Variants in ADAMTSL3 observed in about 807,000 individuals in gnomAD.
ADAMTSL3 encodes ADAMTS like 3.
A neutral mutation model predicts 201.7 loss-of-function variants in ADAMTSL3; 128 were observed. That is an observed-to-expected ratio of 0.63 (90% CI 0.55 to 0.73). The LOEUF (loss-of-function observed/expected upper bound fraction) is 0.73, where lower values mean the gene tolerates loss of function less well. Ranked by LOEUF, ADAMTSL3 falls within the 30% of genes least tolerant of loss-of-function variation. ADAMTSL3 has a pLI of 0.00. For synonymous variants in ADAMTSL3, 738 were observed against 748.4 expected (o/e 0.99, Z 0.23); for missense variants, 1,990 against 2,119.6 (o/e 0.94, Z 1.20).
At chr15:83,940,492 CTT>C (rs964649703) in intron 17 of ADAMTSL3, among the ~76,000 whole-genome samples, 92 of 152,268 alleles carry the variant, frequency 6.0e-4, no homozygotes, top group African/African-American at 2.1e-3. Flanking sequence ...CCTGGTGTCT[CTT>C]TTTACAAAGG....
chr15:83,799,527 T>G (rs961154040), intron 4 of ADAMTSL3, among the ~76,000 whole-genome samples: 1 of 152,160 alleles, frequency 6.6e-6, no homozygotes, highest in Admixed American at 6.5e-5. Context: ...ATATTTTTAT[T>G]CTTCAAAACA....
Position 83,913,174 on chromosome 15 carries a change from C to G in ADAMTSL3, c.1783C>G (p.Leu595Val), listed in dbSNP as rs1204520378. The change falls in exon 16 of 30, where the codon CTC (leucine) becomes GTC (valine). Residue 595 changes from leucine (L) to valine (V), a missense_variant. By Grantham distance (32) the Leu-to-Val change is conservative. Coordinates refer to ENST00000286744, the MANE Select transcript of ADAMTSL3 (RefSeq NM_207517.3). The part of the protein sequence containing the change: ...QVREVKCRVL[L>V]TFTQTETELP... Reference sequence around the variant, plus strand: ...CCGTGAGGTGAAGTGCCGTGTGCTCCTCACATTCACGCAGACTGAGACTGA... The same window carrying G: ...CCGTGAGGTGAAGTGCCGTGTGCTCGTCACATTCACGCAGACTGAGACTGA... 1 of 1,614,156 alleles carries G rather than the reference C, an allele frequency of 6.2e-7. No individual in the cohort carries two copies. Among genetic ancestry groups the G allele is most frequent in the East Asian group, 2.2e-5 (1 of 44,878 alleles).
chr15:83,919,689 G>A (rs759158264), intron 16 of ADAMTSL3, among the ~76,000 whole-genome samples: 1 of 152,182 alleles, frequency 6.6e-6, no homozygotes, highest in Non-Finnish European at 1.5e-5. Context: ...GGGTGTGGGT[G>A]AAGGGTGGTG....
Position 84,031,440 on chromosome 15 carries a change from C to G in ADAMTSL3, c.4754+8C>G. The stretch of plus-strand genomic sequence containing the variant: ...CTGTGATGACAGAAAGAGGTAGGGG[C>G]CCCACCCCAGAGCAGCACACATTCT... On this transcript the variant is annotated splice_region_variant and intron_variant, in intron 28 of 29. Coordinates refer to ENST00000286744, the MANE Select transcript of ADAMTSL3 (RefSeq NM_207517.3). 6.2e-7 allele frequency: 1 copy of G among 1,613,650 alleles called. No individual in the cohort carries two copies. Among genetic ancestry groups the G allele is most frequent in the Non-Finnish European group, 8.5e-7 (1 of 1,179,702 alleles).
At chr15:83,954,821 C>T (rs1293990709) in intron 19 of ADAMTSL3, among the ~76,000 whole-genome samples, 1 of 152,206 alleles carries the variant, frequency 6.6e-6, no homozygotes, top group Non-Finnish European at 1.5e-5. Flanking sequence ...TTCTCCCAAA[C>T]AAACAGCATC....
chr15:84,019,559 AATG>A (rs2068157318), intron 25 of ADAMTSL3, among the ~76,000 whole-genome samples: 1 of 152,200 alleles, frequency 6.6e-6, no homozygotes, highest in Admixed American at 6.5e-5. Flanking sequence ...TGATATGCAC[AATG>A]ATATGAGTGA....
intron 23 of ADAMTSL3, among the ~76,000 whole-genome samples, chr15:83,997,665 T>C (rs1298928986): frequency 6.6e-6 from 1 of 152,212 alleles, no homozygotes; most frequent in Admixed American, 6.5e-5. Flanking sequence ...TAAGCAAATA[T>C]AGCAACTATT....
chr15:83,808,090 A>G (rs1010267563), intron 5 of ADAMTSL3, among the ~76,000 whole-genome samples: 2 of 152,218 alleles, frequency 1.3e-5, no homozygotes, highest in African/African-American at 2.4e-5. Flanking sequence ...GATTTTTAAA[A>G]TATGACCTCA....
intron 17 of ADAMTSL3, among the ~76,000 whole-genome samples, chr15:83,933,684 C>G (rs1046767127): frequency 5.9e-5 from 9 of 152,196 alleles, no homozygotes; most frequent in Admixed American, 3.9e-4. Flanking sequence ...GCAGCCCCTC[C>G]CATCACAGGC....
chr15:83,949,717 A>C (rs374448036), intron 19 of ADAMTSL3, among the ~76,000 whole-genome samples: 1 of 152,228 alleles, frequency 6.6e-6, no homozygotes, highest in East Asian at 1.9e-4. Flanking sequence ...CTGGAGTGAG[A>C]TGGTATCTCA....
At chr15:83,810,603 A>C (rs1171475244) in intron 5 of ADAMTSL3, among the ~76,000 whole-genome samples, 1 of 152,244 alleles carries the variant, frequency 6.6e-6, no homozygotes, top group Non-Finnish European at 1.5e-5. Flanking sequence ...GCAGGGCTAC[A>C]TCATTCTGGA....
intron 5 of ADAMTSL3, among the ~76,000 whole-genome samples, chr15:83,806,898 T>G (rs2141871154): frequency 6.6e-6 from 1 of 151,982 alleles, no homozygotes; most frequent in Middle Eastern, 3.4e-3. Context: ...ACAAGAAACT[T>G]TAGAAAGCAA....
chr15:83,926,868 C>T (rs2066256345), intron 17 of ADAMTSL3, among the ~76,000 whole-genome samples: 1 of 152,160 alleles, frequency 6.6e-6, no homozygotes. Flanking sequence ...CCACCTGCCT[C>T]GGCCTCCCAA....
At chr15:83,750,319 C>T (rs1041916266) in intron 3 of ADAMTSL3, among the ~76,000 whole-genome samples, 8 of 152,140 alleles carry the variant, frequency 5.3e-5, no homozygotes, top group Admixed American at 6.5e-5. Context: ...ATAATGAAAA[C>T]GGGATTAACC....
Position 83,892,789 on chromosome 15 carries a change from G to A in ADAMTSL3, c.1368G>A (p.Gln456=). The change falls in exon 13 of 30, where the codon CAG becomes CAA. Residue 456 remains glutamine (Q), a synonymous_variant. Transcript: ENST00000286744. Reference sequence around the variant, plus strand: ...AATCCATGCATGGAGAGATATTGCAGGTGGAAGAATGGAAGTGCATGTACG... The same window carrying A: ...AATCCATGCATGGAGAGATATTGCAAGTGGAAGAATGGAAGTGCATGTACG... ...VEESMHGEIL[Q]VEEWKCMYAP... 1 of 1,614,124 alleles carries A rather than the reference G, an allele frequency of 6.2e-7. No homozygotes were observed. The highest frequency in any genetic ancestry group is 8.5e-7 in the Non-Finnish European group (1 of 1,180,008).
chr15:83,675,053 T>G (rs1452520881), intron 2 of ADAMTSL3, among the ~76,000 whole-genome samples: 1 of 152,012 alleles, frequency 6.6e-6, no homozygotes, highest in East Asian at 1.9e-4. Context: ...TGTTGGTTGC[T>G]AATACACAGA....
Position 83,983,363 on chromosome 15 carries a change from C to G in ADAMTSL3, c.3716+19C>G, listed in dbSNP as rs767012814. ...CAGTAAAGTAAGTAAAATAAAAATGCAGTATTCATTTTTGCACTACCTTCT... is the reference window on the plus strand; with the variant it reads ...CAGTAAAGTAAGTAAAATAAAAATGGAGTATTCATTTTTGCACTACCTTCT... On this transcript the variant is annotated intron_variant, in intron 21 of 29. Transcript: ENST00000286744. The G allele has an allele frequency of 5.6e-6, 8 of 1,430,786 alleles. No individual in the cohort carries two copies. Among genetic ancestry groups the G allele is most frequent in the South Asian group, 1.6e-5 (1 of 62,596 alleles). The allele number at this position is 1,430,786 out of a possible 1,614,324, so 88.6% of individuals were successfully genotyped here.
chr15:83,682,588 A>T (rs911008943), intron 2 of ADAMTSL3, among the ~76,000 whole-genome samples: 1 of 152,306 alleles, frequency 6.6e-6, no homozygotes, highest in East Asian at 1.9e-4. Flanking sequence ...TGACTAGTAT[A>T]TTGGAAGAGG....
intron 6 of ADAMTSL3, among the ~76,000 whole-genome samples, chr15:83,824,495 A>G (rs932057842): frequency 6.6e-6 from 1 of 152,188 alleles, no homozygotes; most frequent in African/African-American, 2.4e-5. Flanking sequence ...AATCACCCAA[A>G]GTTCATAGTT....
Sources: allele counts gnomAD v4.1 joint callset (sites outside exome capture counted in the v4.1 genomes callset), GRCh38; gene constraint gnomAD v4.1.1; transcripts MANE v1.5; gene names NCBI Gene and HGNC (gene_info 2026-07-23, HGNC 2026-07-21).